The following FAP variants were observed in gnomAD, a reference collection of about 807,000 sequenced individuals.
FAP encodes the protein fibroblast activation protein alpha.
Under a neutral mutation model 126.5 loss-of-function variants are expected in FAP, and 110 were observed. The observed-to-expected ratio is 0.87, with a 90% CI of 0.74 to 1.02. The LOEUF is 1.02. FAP is among the 50% of genes least tolerant of loss of function. The pLI is 0.00. For missense variants in FAP, 919 were observed against 909.2 expected (o/e 1.01, Z -0.14); for synonymous variants, 334 against 297.3 (o/e 1.12, Z -1.27).
intron 2 of FAP, among the ~76,000 whole-genome samples, chr2:162,235,201 C>A (rs1044992677): frequency 6.6e-6 from 1 of 152,012 alleles, no homozygotes; most frequent in Non-Finnish European, 1.5e-5. Context: ...CCTCCCCCTC[C>A]GCCATGGGCT....
chr2:162,219,059 T>G lies in FAP; in HGVS notation c.607+4A>C. ...ATTAGCAGTAGAAAAGGAATACAGC[T>G]TACCTTCATAAACCCAGTCTGGGAT... On this transcript the variant is annotated splice_donor_region_variant and intron_variant, in intron 8 of 25. Coordinates refer to ENST00000188790, the MANE Select transcript of FAP (RefSeq NM_004460.5). 4 of 1,597,710 alleles carry G rather than the reference T, an allele frequency of 2.5e-6. No homozygotes were observed. The highest frequency in any genetic ancestry group is 1.1e-5 in the South Asian group (1 of 89,784).
At chr2:162,175,146 G>A (rs1326582264) in intron 21 of FAP, 180 bp from the exon 22 acceptor site, 11 of 517,622 alleles carry the variant, frequency 2.1e-5, no homozygotes, top group South Asian at 2.3e-5. Context: ...CAGACATAAT[G>A]GTAATTTCTT....
chr2:162,187,981 T>C (rs900180374), intron 20 of FAP, among the ~76,000 whole-genome samples, 188 bp downstream of exon 20: 1 of 152,134 alleles, frequency 6.6e-6, no homozygotes, highest in African/African-American at 2.4e-5. Context: ...TACACATTCG[T>C]TAGCTCTCTT....
Position 162,183,398 on chromosome 2 carries a change from A to T in FAP, c.1869+16T>A, listed in dbSNP as rs769640602. 1 of 1,588,402 alleles carries T rather than the reference A, an allele frequency of 6.3e-7. No homozygotes were observed. Among genetic ancestry groups the T allele is most frequent in the Non-Finnish European group, 8.6e-7 (1 of 1,159,630 alleles). On this transcript the variant is annotated intron_variant, in intron 21 of 25. Coordinates refer to ENST00000188790, the MANE Select transcript of FAP (RefSeq NM_004460.5). Reference sequence around the variant, plus strand: ...CTGAACTGAATAACAGGCATAAAAAATATAAAACAACTCACCCAGCCCCAT... The same window carrying T: ...CTGAACTGAATAACAGGCATAAAAATTATAAAACAACTCACCCAGCCCCAT...
chr2:162,224,970 G>T (rs1051628378), intron 4 of FAP, among the ~76,000 whole-genome samples: 1 of 152,144 alleles, frequency 6.6e-6, no homozygotes, highest in East Asian at 1.9e-4. Flanking sequence ...AGGACTGGGA[G>T]CCCAGTGGGA....
intron 9 of FAP, among the ~76,000 whole-genome samples, chr2:162,216,728 C>T (rs971967971): frequency 2.0e-5 from 3 of 152,176 alleles, no homozygotes; most frequent in Non-Finnish European, 4.4e-5. Context: ...TGTAGGTGCA[C>T]AGTATGTAAT....
intron 15 of FAP, among the ~76,000 whole-genome samples, chr2:162,200,135 T>C (rs1183485507): frequency 1.3e-5 from 2 of 152,224 alleles, no homozygotes; most frequent in African/African-American, 4.8e-5. Flanking sequence ...ACAACTGGAC[T>C]GAATGTAAAC....
intron 16 of FAP, chr2:162,197,798 T>G (rs1688314664): frequency 2.8e-6 from 1 of 357,732 alleles, no homozygotes; most frequent in Non-Finnish European, 5.5e-6. Context: ...CACATACCCC[T>G]ACCAGGGGAG....
chr2:162,221,212 G>C (rs770450141), intron 6 of FAP, among the ~76,000 whole-genome samples: 1 of 152,078 alleles, frequency 6.6e-6, no homozygotes, highest in Non-Finnish European at 1.5e-5. Flanking sequence ...GGGTGATCGG[G>C]AACATGTTGA....
At chr2:162,210,244 G>T (rs1688872508) in intron 11 of FAP, among the ~76,000 whole-genome samples, 1 of 152,148 alleles carries the variant, frequency 6.6e-6, no homozygotes, top group African/African-American at 2.4e-5. Flanking sequence ...CAGTGACTTG[G>T]AATTATCACA....
In FAP at chr2:162,188,354, A is replaced by G. The variant is rs774725308; in HGVS notation, c.1629T>C (p.Gly543=). 4 of 1,612,140 alleles carry G rather than the reference A, an allele frequency of 2.5e-6. No individual in the cohort carries two copies. The African/African-American group carries it at 4.0e-5, about 16-fold the overall frequency. Residue 543 remains glycine, a synonymous_variant, in exon 20 of 26, where the codon GGT becomes GGC. Transcript: ENST00000188790. The part of the protein sequence containing the change: ...KYPLLIQVYG[G]PCSQSVRSVF... ...CAGACCTTACACTCTGACTGCAGGGACCACCATACCTAAAGGAAAAACAAA... is the reference window on the plus strand; with the variant it reads ...CAGACCTTACACTCTGACTGCAGGGGCCACCATACCTAAAGGAAAAACAAA...
chr2:162,233,577 TA>T (rs1341475374), intron 2 of FAP, among the ~76,000 whole-genome samples: 2 of 152,184 alleles, frequency 1.3e-5, no homozygotes, highest in African/African-American at 4.8e-5. Flanking sequence ...TTTATCTTTT[TA>T]TTATTGAGCT....
At chr2:162,207,393 G>A (rs1252837522) in intron 12 of FAP, among the ~76,000 whole-genome samples, 2 of 152,180 alleles carry the variant, frequency 1.3e-5, no homozygotes, top group Non-Finnish European at 2.9e-5. Flanking sequence ...TTAAGAGATT[G>A]AGATTAGTAC....
At chr2:162,184,609 A>G (rs1687802387) in intron 20 of FAP, among the ~76,000 whole-genome samples, 1 of 152,212 alleles carries the variant, frequency 6.6e-6, no homozygotes, top group Admixed American at 6.5e-5. Flanking sequence ...AAGGACACTG[A>G]GGAGTCTACA....
At chr2:162,191,274 T>A (rs1473859343) in intron 17 of FAP, among the ~76,000 whole-genome samples, 2 of 152,258 alleles carry the variant, frequency 1.3e-5, no homozygotes, top group South Asian at 4.1e-4. Context: ...ACTTTTCTGA[T>A]ACATGACTTA....
At position 162,188,366 on chromosome 2, in the gene FAP, A is replaced by G. The variant is rs1048183409; in HGVS notation, c.1620-3T>C. 18 of 1,607,960 alleles carry G rather than the reference A, an allele frequency of 1.1e-5. No individual in the cohort carries two copies. Among genetic ancestry groups the G allele is most frequent in the Non-Finnish European group, 1.4e-5 (17 of 1,177,352 alleles). ...TCTGACTGCAGGGACCACCATACCT[A>G]AAGGAAAAACAAAAAAAACAAGAAT... On this transcript the variant is annotated splice_polypyrimidine_tract_variant and splice_region_variant and intron_variant, in intron 19 of 25. Coordinates refer to ENST00000188790, the MANE Select transcript of FAP (RefSeq NM_004460.5).
intron 6 of FAP, among the ~76,000 whole-genome samples, chr2:162,222,392 T>A (rs1003127163): frequency 1.3e-5 from 2 of 152,228 alleles, no homozygotes; most frequent in Non-Finnish European, 2.9e-5. Flanking sequence ...CAGAATGCAT[T>A]AGATGGATTT....
Position 162,198,841 on chromosome 2 carries a change from T to C in FAP, c.1318A>G (p.Thr440Ala). The C allele has an allele frequency of 6.2e-7, 1 of 1,613,142 alleles. No homozygotes were observed. The highest frequency in any genetic ancestry group is 8.5e-7 in the Non-Finnish European group (1 of 1,179,108). The change falls in exon 16 of 26, where the codon ACT (threonine) becomes GCT (alanine). Residue 440 changes from threonine (T) to alanine (A), a missense_variant. Transcript: ENST00000188790. ...CACCTTTCTTTCCTTAGATGGCAAG[T>C]AACACACTTCTTGCTTGGAGGATAG... ...GSYPPSKKCV[T>A]CHLRKERCQY...
Position 162,188,220 on chromosome 2 carries a change from A to G in FAP, c.1763T>C (p.Val588Ala), listed in dbSNP as rs1490389958. Residue 588 changes from valine (V) to alanine (A), a missense_variant, in exon 20 of 26, where the codon GTG becomes GCG. Transcript: ENST00000188790. ...AFQGDKLLYA[V>A]YRKLGVYEVE... ...TTCATAAACACCCAGCTTTCGATAC[A>G]CTGCATAGAGGAGTTTGTCACCTTG... The G allele has an allele frequency of 1.2e-6, 2 of 1,613,176 alleles. No homozygotes were observed. The highest frequency in any genetic ancestry group is 3.3e-5 in the Admixed American group (2 of 59,942).
Sources: allele counts gnomAD v4.1 joint callset (sites outside exome capture counted in the v4.1 genomes callset), GRCh38; gene constraint gnomAD v4.1.1; transcripts MANE v1.5; gene names NCBI Gene and HGNC (gene_info 2026-07-23, HGNC 2026-07-21).